ELOVL5: variants seen among roughly 807,000 people sequenced by gnomAD.
ELOVL5 encodes ELOVL fatty acid elongase 5, also known as very long chain fatty acid elongase 5.
A neutral mutation model predicts 38.6 loss-of-function variants in ELOVL5; 8 were observed. The observed-to-expected ratio is 0.21, with a 90% CI of 0.12 to 0.37. The LOEUF (loss-of-function observed/expected upper bound fraction) is 0.37. Ranked by LOEUF, ELOVL5 falls within the 10% of genes least tolerant of loss-of-function variation. ELOVL5 has a pLI of 1.00. For missense variants in ELOVL5, 280 were observed against 367.8 expected, an observed-to-expected ratio of 0.76 and a Z score of 1.95; for synonymous variants, 127 against 133.7, an observed-to-expected ratio of 0.95 and a Z score of 0.34.
Position 53,276,391 on chromosome 6 carries a change from T to C in ELOVL5, c.247-135A>G, listed in dbSNP as rs1414908580. ...CCAAGTTTGCTCTGAGAAAAAACAA[T>C]TGTAGGCAAGTGTAAACAAAAGGAA... is the stretch of plus-strand genomic sequence containing the variant. On this transcript the variant is annotated intron_variant, in intron 3 of 7. Transcript: ENST00000304434. 7.9e-6 allele frequency: 5 copies of C among 631,478 alleles called. No homozygotes were observed. In the East Asian group the frequency reaches 8.5e-5, roughly 11 times the overall value. 39.1% of individuals were successfully genotyped at this position (631,478 alleles called of 1,614,324 possible). A position where few individuals can be genotyped will look rare whatever the true frequency, so the allele number is the denominator to read the frequency against.
chr6:53,348,213 G>A (rs1340543321), intron 1 of ELOVL5, among the ~76,000 whole-genome samples: 1 of 152,190 alleles, frequency 6.6e-6, no homozygotes, highest in South Asian at 2.1e-4. Flanking sequence ...CGAGCTAGCA[G>A]GCTTCCCTCC....
At chr6:53,299,140 C>G (rs142105087) in intron 1 of ELOVL5, among the ~76,000 whole-genome samples, 540 of 152,168 alleles carry the variant, frequency 3.5e-3, no homozygotes, top group African/African-American at 0.011. Context: ...AAAGCAAAAA[C>G]AAAATCCAGT....
intron 3 of ELOVL5, among the ~76,000 whole-genome samples, chr6:53,285,489 C>T (rs184586047): frequency 1.3e-5 from 2 of 152,348 alleles, no homozygotes; most frequent in Admixed American, 1.3e-4. Context: ...GGTGTAGCAG[C>T]AAGTGCTGCT....
chr6:53,302,862 T>C (rs1485137933), intron 1 of ELOVL5, among the ~76,000 whole-genome samples: 3 of 152,158 alleles, frequency 2.0e-5, no homozygotes, highest in Admixed American at 6.5e-5. Flanking sequence ...CGTTTAGCTA[T>C]TGTCTAGCTT....
chr6:53,334,707 C>T (rs1768970386), intron 1 of ELOVL5, among the ~76,000 whole-genome samples: 2 of 152,140 alleles, frequency 1.3e-5, no homozygotes, highest in Non-Finnish European at 1.5e-5. Flanking sequence ...AGATGGTGGT[C>T]CTGAATCTCC....
rs1192905527 is a variant in ELOVL5, at chr6:53,347,384, CCAAT to C, written c.-9+1429_-9+1432del. ...TACCAGAAAAGTAACCCACTTGTCC[CCAAT>C]CACAGATGGAAGGCTAAAATGTTTG... is the stretch of plus-strand genomic sequence containing the variant. On this transcript the variant is annotated intron_variant, in intron 1 of 7. Transcript: ENST00000304434. 4.6e-5 allele frequency among the ~76,000 whole-genome samples: 7 copies of C among 152,274 alleles called. No individual in the cohort carries two copies. The East Asian group carries it at 1.2e-3, about 25-fold the overall frequency.
In ELOVL5 at chr6:53,269,066, C is replaced by G. The variant is rs767535319; in HGVS notation, c.*61G>C. ...CAGCAGCTGTTAACGAGCATTGGGG[C>G]ACAACTCATATTGTGCTTACAATCA... On this transcript the variant is annotated 3_prime_UTR_variant, in exon 8 of 8. Transcript: ENST00000304434. 49 of 1,579,994 alleles carry G rather than the reference C, an allele frequency of 3.1e-5. No individual in the cohort carries two copies. Among genetic ancestry groups the G allele is most frequent in the Non-Finnish European group, 4.0e-5 (46 of 1,160,388 alleles).
At chr6:53,277,145 C>T in intron 3 of ELOVL5, 1 of 153,716 alleles carries the variant, frequency 6.5e-6, no homozygotes, top group Middle Eastern at 5.3e-4. Flanking sequence ...AGATTCCCCC[C>T]CAGGGAACAA....
chr6:53,326,934 T>G (rs1248319541), intron 1 of ELOVL5, among the ~76,000 whole-genome samples: 1 of 152,116 alleles, frequency 6.6e-6, no homozygotes, highest in Non-Finnish European at 1.5e-5. Context: ...CTTTTCACCT[T>G]GCTTGCAACT....
intron 6 of ELOVL5, 100 bp from the exon 7 acceptor site, chr6:53,270,827 A>G: frequency 1.5e-6 from 2 of 1,368,492 alleles, no homozygotes; most frequent in South Asian, 2.6e-5. Context: ...TTTCTGAATT[A>G]ACACTTACTA....
chr6:53,343,077 A>G (rs1243883627), intron 1 of ELOVL5, among the ~76,000 whole-genome samples: 1 of 152,198 alleles, frequency 6.6e-6, no homozygotes, highest in East Asian at 1.9e-4. Flanking sequence ...GAAACTGAAA[A>G]TCAGGTCAGG....
intron 1 of ELOVL5, among the ~76,000 whole-genome samples, chr6:53,334,142 T>C (rs1202183947): frequency 6.6e-5 from 10 of 152,184 alleles, no homozygotes; most frequent in Non-Finnish European, 7.3e-5. Flanking sequence ...AAAAAAGTGT[T>C]TGATGCCAAA....
Position 53,287,330 on chromosome 6 carries a change from G to A in ELOVL5, c.246+4446C>T, listed in dbSNP as rs181266358. Among the ~76,000 whole-genome samples the A allele has an allele frequency of 4.1e-3, 625 of 152,226 alleles. 3 individuals are homozygous for A. Among genetic ancestry groups the A allele is most frequent in the African/African-American group, 0.014 (582 of 41,544 alleles). ...CTAAATAACTTGAAAATGTGGTTCC[G>A]ACATTTGCTTATTTTTGTATTCTAA... is the stretch of plus-strand genomic sequence containing the variant. On this transcript the variant is annotated intron_variant, in intron 3 of 7. Coordinates refer to ENST00000304434, the MANE Select transcript of ELOVL5 (RefSeq NM_021814.5).
At chr6:53,315,385 G>A (rs1316856764) in intron 1 of ELOVL5, among the ~76,000 whole-genome samples, 1 of 152,006 alleles carries the variant, frequency 6.6e-6, no homozygotes, top group Non-Finnish European at 1.5e-5. Context: ...GAGAGTGGGG[G>A]GACACAAACC....
At chr6:53,309,484 C>T (rs1302410497) in intron 1 of ELOVL5, among the ~76,000 whole-genome samples, 1 of 152,186 alleles carries the variant, frequency 6.6e-6, no homozygotes, top group Non-Finnish European at 1.5e-5. Flanking sequence ...ACCTAGACTA[C>T]AGGACCTCAA....
chr6:53,297,770 T>C (rs968833056), intron 1 of ELOVL5, among the ~76,000 whole-genome samples: 4 of 152,080 alleles, frequency 2.6e-5, no homozygotes, highest in South Asian at 2.1e-4. Flanking sequence ...CCTTAGAATG[T>C]ACTCCCTGAC....
At chr6:53,345,881 A>G (rs781492450) in intron 1 of ELOVL5, among the ~76,000 whole-genome samples, 1 of 152,216 alleles carries the variant, frequency 6.6e-6, no homozygotes, top group Non-Finnish European at 1.5e-5. Flanking sequence ...TCTAGGCCTT[A>G]ATCCTAGAGA....
chr6:53,267,548 A>C lies in ELOVL5; in HGVS notation c.*1579T>G, dbSNP rs1262834619. 6.5e-6 allele frequency: 1 copy of C among 152,678 alleles called. No individual in the cohort carries two copies. The highest frequency in any genetic ancestry group is 1.5e-5 in the Non-Finnish European group (1 of 68,050). 9.5% of individuals were successfully genotyped at this position (152,678 alleles called of 1,614,324 possible). Reference sequence around the variant, plus strand: ...TAAAGACATCTGCAAATTAGTACCTAGCAATGAAGACATACATTTATAAAT... The same window carrying C: ...TAAAGACATCTGCAAATTAGTACCTCGCAATGAAGACATACATTTATAAAT... On this transcript the variant is annotated 3_prime_UTR_variant, in exon 8 of 8. Coordinates refer to ENST00000304434, the MANE Select transcript of ELOVL5 (RefSeq NM_021814.5).
intron 1 of ELOVL5, among the ~76,000 whole-genome samples, chr6:53,333,818 T>G (rs1055669125): frequency 2.0e-5 from 3 of 152,216 alleles, no homozygotes; most frequent in Non-Finnish European, 4.4e-5. Context: ...GGATTTAAAA[T>G]TTTTAAATTA....
Sources: gnomAD v4.1 joint callset for allele counts (sites outside exome capture counted in the v4.1 genomes callset) on GRCh38, gnomAD v4.1.1 for gene constraint, MANE v1.5 for transcripts, NCBI Gene and HGNC (gene_info 2026-07-23, HGNC 2026-07-21) for gene names.